NFYC: variants seen among roughly 807,000 people sequenced by gnomAD.
NFYC encodes the protein CAAT box DNA-binding protein subunit C.
In NFYC, 25 loss-of-function variants were observed where a neutral mutation model predicts 53.1. The ratio of observed to expected loss-of-function variants is 0.47; its 90% CI spans 0.34 to 0.66. The LOEUF (loss-of-function observed/expected upper bound fraction) is 0.66, where lower values mean the gene tolerates loss of function less well. NFYC is among the 30% of genes least tolerant of loss of function. The pLI, the probability that NFYC is intolerant of heterozygous loss-of-function variation, is 0.01. For synonymous variants in NFYC, 145 were observed against 152.6 expected, an observed-to-expected ratio of 0.95 and a Z score of 0.37; for missense variants, 260 against 422.7, an observed-to-expected ratio of 0.62 and a Z score of 3.38.
chr1:40,732,887 T>G (rs1644834863), intron 1 of NFYC, among the ~76,000 whole-genome samples: 1 of 152,208 alleles, frequency 6.6e-6, no homozygotes, highest in South Asian at 2.1e-4. Context: ...GATTTCTGAT[T>G]GCAGTCTTGC....
chr1:40,721,193 A>G (rs915217278), intron 1 of NFYC, among the ~76,000 whole-genome samples: 14 of 152,254 alleles, frequency 9.2e-5, no homozygotes, highest in African/African-American at 1.4e-4. Flanking sequence ...GTGAATGTGT[A>G]GACAGTGTTT....
intron 7 of NFYC, among the ~76,000 whole-genome samples, chr1:40,764,566 C>CT (rs1276848792): frequency 6.6e-6 from 1 of 152,192 alleles, no homozygotes; most frequent in Non-Finnish European, 1.5e-5. Context: ...CTTGCAGATA[C>CT]TTTAACTCTC....
At chr1:40,707,942 C>T (rs989088722) in intron 1 of NFYC, among the ~76,000 whole-genome samples, 2 of 151,952 alleles carry the variant, frequency 1.3e-5, no homozygotes, top group Non-Finnish European at 2.9e-5. Flanking sequence ...GTTAGTCCAT[C>T]AAATTATAAT....
intron 5 of NFYC, chr1:40,754,395 G>T (rs1646092212): frequency 1.9e-6 from 1 of 534,452 alleles, no homozygotes; most frequent in Non-Finnish European, 3.8e-6. Flanking sequence ...ACTGGAAGCT[G>T]TAAGGTGTTC....
At chr1:40,715,628 C>G (rs1385005848) in intron 1 of NFYC, among the ~76,000 whole-genome samples, 2 of 152,132 alleles carry the variant, frequency 1.3e-5, no homozygotes, top group Non-Finnish European at 2.9e-5. Context: ...TATTATCACT[C>G]TTATCTTCTT....
chr1:40,760,906 T>G (rs1238712246), intron 6 of NFYC, among the ~76,000 whole-genome samples: 1 of 152,148 alleles, frequency 6.6e-6, no homozygotes, highest in Non-Finnish European at 1.5e-5. Context: ...GGGACCTTCT[T>G]TGGCTAATGC....
chr1:40,711,614 CA>C (rs769638570), intron 1 of NFYC, among the ~76,000 whole-genome samples: 9 of 152,276 alleles, frequency 5.9e-5, no homozygotes, highest in Non-Finnish European at 1.0e-4. Context: ...TGGAAAAATG[CA>C]CATGGGCATG....
At chr1:40,762,261 T>A (rs1646586863) in intron 6 of NFYC, among the ~76,000 whole-genome samples, 1 of 152,196 alleles carries the variant, frequency 6.6e-6, no homozygotes, top group East Asian at 1.9e-4. Flanking sequence ...GCCCAGTGAG[T>A]TAGCAGTGTT....
intron 6 of NFYC, among the ~76,000 whole-genome samples, chr1:40,760,749 A>T (rs1216776684): frequency 6.6e-6 from 1 of 151,640 alleles, no homozygotes; most frequent in Non-Finnish European, 1.5e-5. Flanking sequence ...TGATTTTAGG[A>T]TTTATTCTCT....
intron 6 of NFYC, among the ~76,000 whole-genome samples, chr1:40,759,333 A>G (rs919739532): frequency 1.3e-5 from 2 of 151,946 alleles, no homozygotes; most frequent in African/African-American, 2.4e-5. Context: ...CCACGTGTTC[A>G]AGACCAGCCT....
intron 1 of NFYC, among the ~76,000 whole-genome samples, chr1:40,703,005 C>T (rs188076998): frequency 3.8e-4 from 58 of 151,946 alleles, no homozygotes; most frequent in African/African-American, 1.3e-3. Context: ...TTAGTGGAGA[C>T]GGGGTTTCCC....
chr1:40,701,282 A>C (rs866409967), intron 1 of NFYC, among the ~76,000 whole-genome samples: 11 of 151,866 alleles, frequency 7.2e-5, no homozygotes, highest in Admixed American at 1.3e-4. Context: ...TGCCTGGCTA[A>C]TTTTTGTATT....
intron 3 of NFYC, among the ~76,000 whole-genome samples, chr1:40,748,712 A>T (rs1645752173): frequency 6.6e-6 from 1 of 152,036 alleles, no homozygotes; most frequent in Non-Finnish European, 1.5e-5. Flanking sequence ...TCTCTTTACC[A>T]CTCAAAATTA....
chr1:40,726,125 GTTT>G (rs967130567), intron 1 of NFYC, among the ~76,000 whole-genome samples: 1 of 126,478 alleles, frequency 7.9e-6, no homozygotes, highest in African/African-American at 2.7e-5. Flanking sequence ...GTGTGTGTGT[GTTT>G]TTTTTTGAGA....
intron 1 of NFYC, among the ~76,000 whole-genome samples, chr1:40,708,952 C>A (rs539035334): frequency 6.6e-6 from 1 of 152,294 alleles, no homozygotes; most frequent in African/African-American, 2.4e-5. Flanking sequence ...AGTTAAATTA[C>A]CTTAAATTTT....
chr1:40,720,775 G>A (rs1644300049), intron 1 of NFYC, among the ~76,000 whole-genome samples: 1 of 152,160 alleles, frequency 6.6e-6, no homozygotes, highest in Non-Finnish European at 1.5e-5. Flanking sequence ...GGCTGAGCAG[G>A]GGAGGATCAC....
intron 1 of NFYC, among the ~76,000 whole-genome samples, chr1:40,708,487 T>C (rs562190953): frequency 6.6e-6 from 1 of 152,334 alleles, no homozygotes; most frequent in Admixed American, 6.5e-5. Flanking sequence ...TATTCACTAA[T>C]GTTCTAGCTT....
rs1335542423 is a variant in NFYC at position 40,770,789 on chromosome 1, G to A, written c.969G>A (p.Gln323=). 6.2e-7 allele frequency: 1 copy of A among 1,612,240 alleles called. No individual in the cohort carries two copies. Among genetic ancestry groups the A allele is most frequent in the African/African-American group, 1.3e-5 (1 of 74,928 alleles). The change falls in exon 10 of 10, where the codon CAG becomes CAA. Residue 323 remains glutamine (Q), a synonymous_variant. Coordinates refer to ENST00000447388, the MANE Select transcript of NFYC (RefSeq NM_014223.5). This position sits in a 1 kb window ranked among gnomAD's most constrained non-coding sequence, Gnocchi z 5.3. ...CCATGTTCATCCAGTCAGCCAACCA[G>A]CCCTCCGACGGGCAGGCCCCCCAGG... is the stretch of plus-strand genomic sequence containing the variant. The part of the protein sequence containing the change: ...AQPMFIQSAN[Q]PSDGQAPQVT...
At chr1:40,723,168 A>G (rs966592335) in intron 1 of NFYC, 5 of 152,232 alleles carry the variant, frequency 3.3e-5, no homozygotes, top group Non-Finnish European at 5.9e-5. Flanking sequence ...GTTGGCATCT[A>G]TGAAACATTC....
Sources: allele counts gnomAD v4.1 joint callset (sites outside exome capture counted in the v4.1 genomes callset), GRCh38; gene constraint gnomAD v4.1.1; non-coding constraint Gnocchi (gnomAD v3.1); transcripts MANE v1.5; gene names NCBI Gene and HGNC (gene_info 2026-07-23, HGNC 2026-07-21).